Variants in RSRC1 observed in about 807,000 individuals in gnomAD.
RSRC1 encodes serine/Arginine-related protein 53.
A neutral mutation model predicts 49.1 loss-of-function variants in RSRC1; 39 were observed. That is an observed-to-expected ratio of 0.79 (90% CI 0.61 to 1.04). RSRC1 has a LOEUF of 1.04. Ranked by LOEUF, RSRC1 falls within the 50% of genes least tolerant of loss-of-function variation. RSRC1 has a pLI of 0.00. For synonymous variants in RSRC1, 143 were observed against 130.8 expected (o/e 1.09, Z -0.63); for missense variants, 388 against 402.4 (o/e 0.96, Z 0.31).
intron 4 of RSRC1, among the ~76,000 whole-genome samples, chr3:158,260,704 C>T (rs1724845343): frequency 6.6e-6 from 1 of 152,148 alleles, no homozygotes; most frequent in South Asian, 2.1e-4. Context: ...CTACTTTAGC[C>T]CATATTGACA....
chr3:158,235,400 A>G (rs1042606106), intron 4 of RSRC1, among the ~76,000 whole-genome samples: 2 of 152,152 alleles, frequency 1.3e-5, no homozygotes, highest in Non-Finnish European at 2.9e-5. Flanking sequence ...GAAAAATATT[A>G]TTTCACTGAA....
chr3:158,195,648 A>T (rs548551252), intron 3 of RSRC1, among the ~76,000 whole-genome samples: 1 of 152,078 alleles, frequency 6.6e-6, no homozygotes, highest in East Asian at 1.9e-4. Flanking sequence ...ATTTAAGTCT[A>T]TAATCCATGT....
rs567962420 is a variant in RSRC1 at position 158,263,879 on chromosome 3, G to A, written c.495-34160G>A. On this transcript the variant is annotated intron_variant, in intron 4 of 9. Transcript: ENST00000611884. ...TTTTAGCGTCTGTAGAGTCTACACCGATGTCACTTCGTTTATTTCTTATAT... is the reference window on the plus strand; with the variant it reads ...TTTTAGCGTCTGTAGAGTCTACACCAATGTCACTTCGTTTATTTCTTATAT... 5.3e-5 allele frequency among the ~76,000 whole-genome samples: 8 copies of A among 152,204 alleles called. No individual in the cohort carries two copies. The South Asian group carries it at 8.3e-4, about 16-fold the overall frequency.
At chr3:158,367,040 T>C (rs763590341) in intron 6 of RSRC1, among the ~76,000 whole-genome samples, 1 of 152,200 alleles carries the variant, frequency 6.6e-6, no homozygotes, top group Non-Finnish European at 1.5e-5. Flanking sequence ...AAGGAGATTT[T>C]GGGCTGAGAT....
At chr3:158,405,106 T>A (rs990971016) in intron 6 of RSRC1, among the ~76,000 whole-genome samples, 1 of 152,008 alleles carries the variant, frequency 6.6e-6, no homozygotes, top group African/African-American at 2.4e-5. Context: ...GCATGAAAAA[T>A]TAATTGCTGT....
chr3:158,377,395 G>A (rs1732431817), intron 6 of RSRC1, among the ~76,000 whole-genome samples: 1 of 152,140 alleles, frequency 6.6e-6, no homozygotes, highest in Non-Finnish European at 1.5e-5. Flanking sequence ...GATCATGGGA[G>A]TGGATACCTT....
intron 5 of RSRC1, among the ~76,000 whole-genome samples, chr3:158,347,349 A>T (rs1010242682): frequency 6.6e-6 from 1 of 152,206 alleles, no homozygotes; most frequent in Non-Finnish European, 1.5e-5. Context: ...TAAAGGGCCC[A>T]GTAGTACTCT....
intron 6 of RSRC1, among the ~76,000 whole-genome samples, chr3:158,355,354 AT>A (rs1731099604): frequency 6.6e-6 from 1 of 151,628 alleles, no homozygotes; most frequent in African/African-American, 2.4e-5. Flanking sequence ...TATGGCTTTT[AT>A]TTATATAAAA....
At chr3:158,436,727 A>G (rs1013339200) in intron 6 of RSRC1, among the ~76,000 whole-genome samples, 3 of 151,914 alleles carry the variant, frequency 2.0e-5, no homozygotes, top group African/African-American at 7.2e-5. Context: ...GCTAATATCT[A>G]TAAAGGTATA....
chr3:158,469,637 C>G (rs1167085538), intron 7 of RSRC1: 1 of 152,978 alleles, frequency 6.5e-6, no homozygotes, highest in African/African-American at 2.4e-5. Context: ...GTCAAGTTAT[C>G]TTACATTTAA....
At chr3:158,475,066 C>T (rs1047565143) in intron 7 of RSRC1, among the ~76,000 whole-genome samples, 8 of 152,006 alleles carry the variant, frequency 5.3e-5, no homozygotes, top group African/African-American at 1.7e-4. Context: ...AGGCGAGCAT[C>T]ATCACACCTG....
chr3:158,241,032 C>T (rs1457644640), intron 4 of RSRC1, among the ~76,000 whole-genome samples: 1 of 152,022 alleles, frequency 6.6e-6, no homozygotes, highest in East Asian at 1.9e-4. Flanking sequence ...ATAAACTAAA[C>T]TTTATCATAA....
intron 6 of RSRC1, among the ~76,000 whole-genome samples, chr3:158,422,752 T>G (rs1285219515): frequency 6.6e-6 from 1 of 150,518 alleles, no homozygotes; most frequent in African/African-American, 2.5e-5. Context: ...TTCCTGACTT[T>G]TTAATGATTG....
chr3:158,280,804 G>A (rs1328747740), intron 4 of RSRC1, among the ~76,000 whole-genome samples: 3 of 151,810 alleles, frequency 2.0e-5, no homozygotes, highest in South Asian at 2.1e-4. Flanking sequence ...ATGCCACCAC[G>A]CCCTGCCAAT....
chr3:158,226,030 T>C (rs1323674949), intron 4 of RSRC1, among the ~76,000 whole-genome samples: 1 of 151,850 alleles, frequency 6.6e-6, no homozygotes, highest in Non-Finnish European at 1.5e-5. Flanking sequence ...ACTTCACTAG[T>C]GTTGGTACCT....
At chr3:158,234,924 C>A (rs1044116195) in intron 4 of RSRC1, among the ~76,000 whole-genome samples, 3 of 151,916 alleles carry the variant, frequency 2.0e-5, no homozygotes, top group African/African-American at 7.3e-5. Flanking sequence ...TTTAATGAAA[C>A]CTCTGTTATA....
chr3:158,276,788 T>C (rs1019315240), intron 4 of RSRC1, among the ~76,000 whole-genome samples: 3 of 152,214 alleles, frequency 2.0e-5, no homozygotes, highest in African/African-American at 7.2e-5. Context: ...ATTTCTTAAC[T>C]TATATCTGTC....
chr3:158,448,939 A>T (rs1469034044), intron 6 of RSRC1, among the ~76,000 whole-genome samples: 2 of 151,968 alleles, frequency 1.3e-5, no homozygotes, highest in African/African-American at 4.8e-5. Context: ...AAAGCAAATG[A>T]AACTCATTCA....
intron 5 of RSRC1, among the ~76,000 whole-genome samples, chr3:158,316,946 C>A (rs934422867): frequency 9.9e-5 from 15 of 152,124 alleles, no homozygotes; most frequent in African/African-American, 1.4e-4. Flanking sequence ...GTGCAAATAC[C>A]TTAGTCACAA....
Sources: gnomAD v4.1 joint callset for allele counts (sites outside exome capture counted in the v4.1 genomes callset) on GRCh38, gnomAD v4.1.1 for gene constraint, MANE v1.5 for transcripts, NCBI Gene and HGNC (gene_info 2026-07-23, HGNC 2026-07-21) for gene names.